Variants in POTEC observed in about 807,000 individuals in gnomAD.
POTEC encodes POTE ankyrin domain family member C, also known as ANKRD26-like family B member 2.
In POTEC, 35 loss-of-function variants were observed where a neutral mutation model predicts 62.0. The observed-to-expected ratio is 0.56, with a 90% CI of 0.43 to 0.75. The LOEUF is 0.75. Ranked by LOEUF, POTEC falls within the 30% of genes least tolerant of loss-of-function variation. The pLI is 0.00. For missense variants in POTEC, 472 were observed against 655.9 expected (o/e 0.72, Z 3.06); for synonymous variants, 156 against 221.5 (o/e 0.70, Z 2.62).
In POTEC at chr18:14,507,836, A is replaced by C. The variant is rs1909887604; in HGVS notation, c.*4062T>G. ...CGATCTTGTTTCTCCTTCACTTATG[A>C]TGCTTAATTTTGCTGGACATGAAAT... On this transcript the variant is annotated 3_prime_UTR_variant, in exon 11 of 11. Coordinates refer to ENST00000358970, the MANE Select transcript of POTEC (RefSeq NM_001137671.2). 6.6e-6 allele frequency: 1 copy of C among 152,094 alleles called. No individual in the cohort carries two copies. The highest frequency in any genetic ancestry group is 1.5e-5 in the Non-Finnish European group (1 of 68,028). The allele number at this position is 152,094 out of a possible 1,614,324, so 9.4% of individuals were successfully genotyped here.
intron 6 of POTEC, among the ~76,000 whole-genome samples, chr18:14,527,057 TATATGA>T (rs1291104467): frequency 1.3e-5 from 2 of 152,238 alleles, no homozygotes; most frequent in Admixed American, 6.5e-5. Context: ...AGTTATAGTG[TATATGA>T]ATATAACTAA....
chr18:14,526,992 A>G (rs995572212), intron 6 of POTEC, among the ~76,000 whole-genome samples: 3 of 152,174 alleles, frequency 2.0e-5, no homozygotes, highest in African/African-American at 7.2e-5. Context: ...TCAATTCTAT[A>G]ATAAGTCATA....
rs564302313 is a variant in POTEC, at chr18:14,537,243, A to G, written c.810+558T>C. Among the ~76,000 whole-genome samples the G allele has an allele frequency of 1.1e-3, 163 of 146,138 alleles. 1 individual carries two copies. Among genetic ancestry groups the G allele is most frequent in the African/African-American group, 3.9e-3 (155 of 39,524 alleles). On this transcript the variant is annotated intron_variant, in intron 3 of 10. Transcript: ENST00000358970. ...AAAAAAAACAAAAAAAAACCTCTTC[A>G]TGGTCTTTTCCCCCATTACCTAATT...
In POTEC at chr18:14,510,197, G is replaced by T. The variant is rs532975519; in HGVS notation, c.*1701C>A. On this transcript the variant is annotated 3_prime_UTR_variant, in exon 11 of 11. Transcript: ENST00000358970. ...CTTGTCTGGTGATGAGCAGTAAGGGGTGTGTTGTACCTGTGGAAGATGGAC... is the reference window on the plus strand; with the variant it reads ...CTTGTCTGGTGATGAGCAGTAAGGGTTGTGTTGTACCTGTGGAAGATGGAC... The T allele has an allele frequency of 6.6e-6, 1 of 152,498 alleles. No homozygotes were observed. Among genetic ancestry groups the T allele is most frequent in the South Asian group, 2.1e-4 (1 of 4,830 alleles). The allele number at this position is 152,498 out of a possible 1,614,324, so 9.4% of individuals were successfully genotyped here.
At position 14,542,946 on chromosome 18, in the gene POTEC, G is replaced by A. The variant is rs1284094991; in HGVS notation, c.201C>T (p.His67=). ...LRSKMGKCCH[H]CFPCCRGSGT... ...CGCTCCCCCTGCAGCAGGGGAAGCA[G>A]TGGTGGCAACACTTGCCCATCTTGC... The change falls in exon 1 of 11, where the codon CAC becomes CAT. Residue 67 remains histidine, a synonymous_variant. Coordinates refer to ENST00000358970, the MANE Select transcript of POTEC (RefSeq NM_001137671.2). 3 of 1,554,718 alleles carry A rather than the reference G, an allele frequency of 1.9e-6. No individual in the cohort carries two copies. The highest frequency in any genetic ancestry group is 5.1e-5 in the East Asian group (2 of 39,518).
intron 9 of POTEC, among the ~76,000 whole-genome samples, chr18:14,517,995 A>T (rs1408256175): frequency 6.6e-6 from 1 of 152,230 alleles, no homozygotes; most frequent in East Asian, 1.9e-4. Flanking sequence ...TAAAAAAATT[A>T]ATATAAAGAA....
chr18:14,537,511 GAA>G (rs1303504481), intron 3 of POTEC, among the ~76,000 whole-genome samples: 1 of 148,566 alleles, frequency 6.7e-6, no homozygotes, highest in East Asian at 2.0e-4. Context: ...ATTCGTTAGG[GAA>G]AAAAAAGTTG....
Position 14,542,691 on chromosome 18 carries a change from G to A in POTEC, c.456C>T (p.Val152=). The A allele has an allele frequency of 1.2e-6, 2 of 1,613,032 alleles. No homozygotes were observed. Among genetic ancestry groups the A allele is most frequent in the Non-Finnish European group, 1.7e-6 (2 of 1,179,908 alleles). Residue 152 remains valine (V), a synonymous_variant, in exon 1 of 11, where the codon GTC becomes GTT. Coordinates refer to ENST00000358970, the MANE Select transcript of POTEC (RefSeq NM_001137671.2). ...KLHRAAWWGK[V]PRKDLIVMLR... ...GCATGACGATGAGATCCTTTCTGGG[G>A]ACCTTACCCCACCAGGCAGCTCTGT...
At chr18:14,526,181 A>T (rs1910431764) in intron 6 of POTEC, among the ~76,000 whole-genome samples, 1 of 152,032 alleles carries the variant, frequency 6.6e-6, no homozygotes, top group Non-Finnish European at 1.5e-5. Context: ...TACAGGTGTG[A>T]GCCACCACAC....
rs568049288 is a variant in POTEC at position 14,543,513 on chromosome 18, C to A, written c.-367G>T. ...TCCAAGCAAGAAACACCAGGCAAAGCGACTAACGCCAAGCCAAGCTAGGAA... is the reference window on the plus strand; with the variant it reads ...TCCAAGCAAGAAACACCAGGCAAAGAGACTAACGCCAAGCCAAGCTAGGAA... On this transcript the variant is annotated 5_prime_UTR_variant, in exon 1 of 11. Coordinates refer to ENST00000358970, the MANE Select transcript of POTEC (RefSeq NM_001137671.2). 5 of 404,708 alleles carry A rather than the reference C, an allele frequency of 1.2e-5. No individual in the cohort carries two copies. The South Asian group carries it at 1.4e-4, about 11-fold the overall frequency. 25.1% of individuals were successfully genotyped at this position (404,708 alleles called of 1,614,324 possible).
intron 9 of POTEC, among the ~76,000 whole-genome samples, chr18:14,519,427 T>C (rs1015946332): frequency 1.3e-5 from 2 of 151,956 alleles, no homozygotes; most frequent in African/African-American, 4.8e-5. Context: ...GTAGAAAAAG[T>C]CATGAGGGGC....
At position 14,530,487 on chromosome 18, in the gene POTEC, A is replaced by G; in HGVS notation, c.1122T>C (p.Asn374=). The G allele has an allele frequency of 6.3e-7, 1 of 1,598,094 alleles. No individual in the cohort carries two copies. Residue 374 remains asparagine (N), a synonymous_variant, in exon 6 of 11, where the codon AAT becomes AAC. Coordinates refer to ENST00000358970, the MANE Select transcript of POTEC (RefSeq NM_001137671.2). ...ATTCATTATCACAAGTCTTACCTGG[A>G]TTGCTGTTTTCAGAAGAGATTTTTA... is the stretch of plus-strand genomic sequence containing the variant. The part of the protein sequence containing the change: ...QMLKISSENS[N]PEQDLKLTSE...
chr18:14,525,224 G>A (rs1910405761), intron 6 of POTEC, among the ~76,000 whole-genome samples: 1 of 151,806 alleles, frequency 6.6e-6, no homozygotes, highest in African/African-American at 2.4e-5. Context: ...AAAACCACCA[G>A]AAACACAACT....
chr18:14,536,518 C>T (rs1229086654), intron 3 of POTEC, among the ~76,000 whole-genome samples: 1 of 151,876 alleles, frequency 6.6e-6, no homozygotes, highest in Non-Finnish European at 1.5e-5. Flanking sequence ...CAGCCATGCA[C>T]CACCATGCCT....
intron 6 of POTEC, among the ~76,000 whole-genome samples, chr18:14,530,177 G>T (rs1598480203): frequency 6.6e-6 from 1 of 151,858 alleles, no homozygotes; most frequent in East Asian, 1.9e-4. Flanking sequence ...CTTCATATGA[G>T]AATCTAATGC....
At chr18:14,519,475 G>A (rs2143121607) in intron 9 of POTEC, among the ~76,000 whole-genome samples, 1 of 152,258 alleles carries the variant, frequency 6.6e-6, no homozygotes, top group East Asian at 1.9e-4. Context: ...CCAACACTTT[G>A]TGAGGCCAAG....
rs878920661 is a variant in POTEC, at chr18:14,537,838, A to G, written c.773T>C (p.Leu258Pro). 3 of 1,612,014 alleles carry G rather than the reference A, an allele frequency of 1.9e-6. No homozygotes were observed. The highest frequency in any genetic ancestry group is 1.3e-5 in the African/African-American group (1 of 74,962). ...TTCAATATCAGCACCATATAAGAGC[A>G]GTGCTTTGGCCATTAATTTATCTTC... ...HNEDKLMAKALLLYGADIESK... is the reference protein window; with the variant it reads ...HNEDKLMAKAPLLYGADIESK... Residue 258 changes from leucine to proline, a missense_variant, in exon 3 of 11, where the codon CTG becomes CCG. Leu to Pro is a moderately conservative substitution (Grantham distance 98). This residue lies in a region of POTEC where 52 missense variants were observed against 54.2 expected (regional missense o/e 0.96). Transcript: ENST00000358970.
intron 9 of POTEC, among the ~76,000 whole-genome samples, chr18:14,518,089 AT>A (rs1910212933): frequency 6.6e-6 from 1 of 152,238 alleles, no homozygotes; most frequent in Non-Finnish European, 1.5e-5. Context: ...CATGTCAAAC[AT>A]TTTTAAAGTG....
intron 5 of POTEC, among the ~76,000 whole-genome samples, chr18:14,530,758 TA>T (rs1319968459): frequency 6.6e-6 from 1 of 152,166 alleles, no homozygotes; most frequent in Non-Finnish European, 1.5e-5. Context: ...GAAATGCTCA[TA>T]AATCAAGGGC....
Sources: allele counts gnomAD v4.1 joint callset (sites outside exome capture counted in the v4.1 genomes callset), GRCh38; gene constraint gnomAD v4.1.1; regional missense constraint gnomAD v4.1.1; transcripts MANE v1.5; gene names NCBI Gene and HGNC (gene_info 2026-07-23, HGNC 2026-07-21).